Variants in ABCG2 observed in about 807,000 individuals in gnomAD.
ABCG2 encodes the protein ATP binding cassette subfamily G member 2 (JR blood group), also known as broad substrate specificity ATP-binding cassette transporter ABCG2.
Under a neutral mutation model 73.5 loss-of-function variants are expected in ABCG2, and 80 were observed. The ratio of observed to expected loss-of-function variants is 1.09; its 90% CI spans 0.91 to 1.31. The LOEUF is 1.31. Ranked by LOEUF, ABCG2 falls within the 50% of genes most tolerant of loss-of-function variation. The pLI is 0.00. For missense variants in ABCG2, 796 were observed against 786.2 expected, an observed-to-expected ratio of 1.01 and a Z score of -0.15; for synonymous variants, 269 against 282.4, an observed-to-expected ratio of 0.95 and a Z score of 0.48.
At chr4:88,140,523 G>A (rs1008315378) in intron 1 of ABCG2, among the ~76,000 whole-genome samples, 2 of 152,268 alleles carry the variant, frequency 1.3e-5, no homozygotes, top group East Asian at 1.9e-4. Flanking sequence ...TTGGGAGGCT[G>A]AGGCAGGAGA....
chr4:88,120,797 A>G (rs1220975713), intron 6 of ABCG2, among the ~76,000 whole-genome samples: 3 of 152,150 alleles, frequency 2.0e-5, no homozygotes, highest in African/African-American at 7.2e-5. Context: ...TAATGATGAA[A>G]TGAGTTAAGA....
chr4:88,229,913 C>T (rs1730384235), intron 1 of ABCG2, among the ~76,000 whole-genome samples: 1 of 151,914 alleles, frequency 6.6e-6, no homozygotes, highest in South Asian at 2.1e-4. Context: ...GTAATAGATT[C>T]ATATGCCTTA....
In ABCG2 at chr4:88,108,375, C is replaced by A. The variant is rs182889687; in HGVS notation, c.1195-1109G>T. Among the ~76,000 whole-genome samples the A allele has an allele frequency of 7.7e-3, 1,165 of 151,028 alleles. 27 individuals are homozygous for A. The highest frequency in any genetic ancestry group is 0.059 in the Admixed American group (899 of 15,156). On this transcript the variant is annotated intron_variant, in intron 9 of 15. Transcript: ENST00000237612. ...CGTCTCTACTAAAAAAAAACACACA[C>A]AAAAAAATTAGCCAGGCATGGTGGT...
chr4:88,184,360 C>A (rs912483544), intron 1 of ABCG2, among the ~76,000 whole-genome samples: 2 of 152,098 alleles, frequency 1.3e-5, no homozygotes, highest in African/African-American at 4.8e-5. Context: ...AGTAAAGTTG[C>A]AGGATACAAA....
At chr4:88,095,644 TGA>T in intron 13 of ABCG2, 35 bp from the exon 14 acceptor site, 5 of 1,550,460 alleles carry the variant, frequency 3.2e-6, no homozygotes, top group Non-Finnish European at 4.5e-6. Context: ...CAGGCCTGCT[TGA>T]GTAATTTCAT....
chr4:88,108,008 T>C (rs1255032395), intron 9 of ABCG2, among the ~76,000 whole-genome samples: 1 of 152,240 alleles, frequency 6.6e-6, no homozygotes, highest in African/African-American at 2.4e-5. Context: ...TAGCCAATGC[T>C]GCAGACCTAA....
At chr4:88,118,936 G>A (rs1723775920) in intron 6 of ABCG2, among the ~76,000 whole-genome samples, 1 of 152,152 alleles carries the variant, frequency 6.6e-6, no homozygotes. Flanking sequence ...TCTGGTCTAA[G>A]TCCATGACCA....
At chr4:88,181,535 A>G (rs1375851382) in intron 1 of ABCG2, among the ~76,000 whole-genome samples, 1 of 152,134 alleles carries the variant, frequency 6.6e-6, no homozygotes, top group African/African-American at 2.4e-5. Context: ...GTTCAAGATC[A>G]GCCTAGGCAA....
intron 1 of ABCG2, among the ~76,000 whole-genome samples, chr4:88,180,842 A>G (rs1362910780): frequency 6.6e-6 from 1 of 152,196 alleles, no homozygotes. Context: ...CTTACTGGTA[A>G]TAATAAGTAC....
intron 1 of ABCG2, among the ~76,000 whole-genome samples, chr4:88,172,791 G>A (rs1727807312): frequency 6.6e-6 from 1 of 151,946 alleles, no homozygotes; most frequent in Non-Finnish European, 1.5e-5. Flanking sequence ...TCTCTATTTT[G>A]CAGGAGGGGT....
chr4:88,100,111 T>A (rs1209998177), intron 11 of ABCG2, among the ~76,000 whole-genome samples: 1 of 151,694 alleles, frequency 6.6e-6, no homozygotes, highest in Non-Finnish European at 1.5e-5. Context: ...ATGTGACATG[T>A]ACATTTGGGA....
intron 7 of ABCG2, among the ~76,000 whole-genome samples, chr4:88,115,848 T>C (rs1020905075): frequency 2.0e-5 from 3 of 152,036 alleles, no homozygotes; most frequent in Non-Finnish European, 4.4e-5. Context: ...ACCGACAGAA[T>C]GCCAGAATGA....
intron 9 of ABCG2, among the ~76,000 whole-genome samples, chr4:88,112,745 A>G (rs1331936861): frequency 6.6e-6 from 1 of 152,082 alleles, no homozygotes; most frequent in Non-Finnish European, 1.5e-5. Flanking sequence ...AAATTTTTCT[A>G]CTCAGATTAT....
intron 1 of ABCG2, among the ~76,000 whole-genome samples, chr4:88,156,211 T>C (rs1397767509): frequency 2.0e-5 from 3 of 151,106 alleles, no homozygotes; most frequent in Admixed American, 6.6e-5. Flanking sequence ...CCGTCTCTAC[T>C]AAAAAATACA....
intron 1 of ABCG2, among the ~76,000 whole-genome samples, chr4:88,195,500 T>A (rs548346727): frequency 1.4e-4 from 21 of 152,154 alleles, no homozygotes; most frequent in African/African-American, 5.1e-4. Flanking sequence ...TCCACACAGG[T>A]CTGCAGCAAC....
rs760342918 is a variant in ABCG2, at chr4:88,131,925, A to G, written c.264-8T>C. 1.2e-6 allele frequency: 2 copies of G among 1,601,730 alleles called. No individual in the cohort carries two copies. The highest frequency in any genetic ancestry group is 1.7e-4 in the Middle Eastern group (1 of 5,986). On this transcript the variant is annotated splice_region_variant and splice_polypyrimidine_tract_variant and intron_variant, in intron 3 of 15. Transcript: ENST00000237612. ...GCTAAGACATCTAATAACCTATAAGAGGACATATATGTTGTGGGTCTAATA... is the reference window on the plus strand; with the variant it reads ...GCTAAGACATCTAATAACCTATAAGGGGACATATATGTTGTGGGTCTAATA...
chr4:88,133,400 G>T (rs948927009), intron 2 of ABCG2, among the ~76,000 whole-genome samples: 6 of 152,084 alleles, frequency 3.9e-5, no homozygotes, highest in Non-Finnish European at 7.4e-5. Flanking sequence ...AAAAGTAAAA[G>T]ATATATCCTC....
intron 4 of ABCG2, 92 bp from the exon 5 acceptor site, chr4:88,131,305 A>G (rs889354244): frequency 1.5e-6 from 2 of 1,329,964 alleles, no homozygotes; most frequent in Middle Eastern, 1.9e-4. Flanking sequence ...ATCCACAAAG[A>G]TAACATAACT....
At chr4:88,223,455 G>A (rs1408862514) in intron 1 of ABCG2, among the ~76,000 whole-genome samples, 1 of 152,108 alleles carries the variant, frequency 6.6e-6, no homozygotes, top group Non-Finnish European at 1.5e-5. Context: ...AGATCTGATG[G>A]TTTTATAAGG....
Sources: gnomAD v4.1 joint callset for allele counts (sites outside exome capture counted in the v4.1 genomes callset) on GRCh38, gnomAD v4.1.1 for gene constraint, MANE v1.5 for transcripts, NCBI Gene and HGNC (gene_info 2026-07-23, HGNC 2026-07-21) for gene names.